The following PAK5 variants were observed in gnomAD, a reference collection of about 807,000 sequenced individuals.
PAK5 encodes the protein p21 (RAC1) activated kinase 5.
In PAK5, 16 loss-of-function variants were observed where a neutral mutation model predicts 65.9. The observed-to-expected ratio is 0.24, with a 90% CI of 0.16 to 0.37. The LOEUF (loss-of-function observed/expected upper bound fraction) is 0.37. PAK5 is among the 10% of genes least tolerant of loss of function. The pLI, the probability that PAK5 is intolerant of heterozygous loss-of-function variation, is 1.00. For synonymous variants in PAK5, 371 were observed against 354.9 expected, an observed-to-expected ratio of 1.05 and a Z score of -0.51; for missense variants, 785 against 903.9, an observed-to-expected ratio of 0.87 and a Z score of 1.69.
At chr20:9,708,960 A>T (rs777651138) in intron 2 of PAK5, among the ~76,000 whole-genome samples, 1 of 151,968 alleles carries the variant, frequency 6.6e-6, no homozygotes, top group Non-Finnish European at 1.5e-5. Context: ...ACTACCCTAC[A>T]AACGTATGCT....
rs371113775 is a variant in PAK5, at chr20:9,562,886, C to G, written c.1616+5G>C. 5.6e-6 allele frequency: 9 copies of G among 1,611,370 alleles called. No individual in the cohort carries two copies. Among genetic ancestry groups the G allele is most frequent in the African/African-American group, 2.7e-5 (2 of 74,534 alleles). ...TCGAATTCTCTGGATAATAAAGAAG[C>G]CTACCTGGTGTGAGTCACAATGTCT... On this transcript the variant is annotated splice_donor_5th_base_variant and intron_variant, in intron 6 of 9. Coordinates refer to ENST00000353224, the MANE Select transcript of PAK5 (RefSeq NM_177990.4).
chr20:9,567,469 T>C (rs1321368937), intron 4 of PAK5, among the ~76,000 whole-genome samples: 1 of 152,164 alleles, frequency 6.6e-6, no homozygotes, highest in Non-Finnish European at 1.5e-5. Flanking sequence ...AAATTAAAAA[T>C]TCAGTTTCTC....
At chr20:9,822,575 A>G (rs1427101762) in intron 1 of PAK5, among the ~76,000 whole-genome samples, 1 of 152,204 alleles carries the variant, frequency 6.6e-6, no homozygotes, top group Non-Finnish European at 1.5e-5. Flanking sequence ...TGTCTACACT[A>G]ATAAATTGCC....
intron 4 of PAK5, among the ~76,000 whole-genome samples, chr20:9,579,213 G>A (rs2045937436): frequency 6.6e-6 from 1 of 152,188 alleles, no homozygotes; most frequent in Non-Finnish European, 1.5e-5. Flanking sequence ...CCTGTGAGAA[G>A]TCATGTCCCT....
intron 1 of PAK5, among the ~76,000 whole-genome samples, chr20:9,828,115 G>A (rs1569104332): frequency 6.6e-6 from 1 of 152,144 alleles, no homozygotes; most frequent in Non-Finnish European, 1.5e-5. Context: ...GATTACAGGC[G>A]TGAGCCACCG....
At chr20:9,594,996 C>A (rs1449143480) in intron 3 of PAK5, among the ~76,000 whole-genome samples, 2 of 151,788 alleles carry the variant, frequency 1.3e-5, no homozygotes, top group Non-Finnish European at 2.9e-5. Context: ...TATATAAACA[C>A]ATATACACAT....
intron 2 of PAK5, among the ~76,000 whole-genome samples, chr20:9,688,357 T>C (rs1159719555): frequency 3.3e-5 from 5 of 151,980 alleles, no homozygotes; most frequent in South Asian, 2.1e-4. Flanking sequence ...AGAGAATCTC[T>C]TTAAACTCGA....
intron 7 of PAK5, among the ~76,000 whole-genome samples, chr20:9,554,648 A>C (rs751326201): frequency 6.6e-6 from 1 of 152,220 alleles, no homozygotes; most frequent in East Asian, 1.9e-4. Context: ...AATGTTGTAC[A>C]CTAATAGACT....
At chr20:9,768,101 ATTT>A (rs1360563671) in intron 1 of PAK5, among the ~76,000 whole-genome samples, 1 of 152,040 alleles carries the variant, frequency 6.6e-6, no homozygotes, top group African/African-American at 2.4e-5. Context: ...GACAACTTTT[ATTT>A]TTTTAATTTT....
At chr20:9,603,968 T>C (rs1446313669) in intron 3 of PAK5, among the ~76,000 whole-genome samples, 2 of 152,226 alleles carry the variant, frequency 1.3e-5, no homozygotes, top group Admixed American at 6.5e-5. Flanking sequence ...GCTTTACATA[T>C]ATTTTCAAAT....
chr20:9,712,716 G>A (rs1370914777), intron 1 of PAK5, among the ~76,000 whole-genome samples: 2 of 152,058 alleles, frequency 1.3e-5, no homozygotes, highest in African/African-American at 2.4e-5. Flanking sequence ...ATAAATCCAC[G>A]CACTTACAGG....
At chr20:9,687,315 C>A (rs188712987) in intron 2 of PAK5, among the ~76,000 whole-genome samples, 8 of 152,304 alleles carry the variant, frequency 5.3e-5, no homozygotes, top group Admixed American at 3.9e-4. Flanking sequence ...TTTTAGGAAG[C>A]TTGAGTCACA....
chr20:9,785,810 A>G (rs2048986676), intron 1 of PAK5, among the ~76,000 whole-genome samples: 1 of 152,190 alleles, frequency 6.6e-6, no homozygotes, highest in Admixed American at 6.6e-5. Context: ...CAAAACAAAC[A>G]AATAATTGTT....
chr20:9,783,115 T>C (rs2048959428), intron 1 of PAK5, among the ~76,000 whole-genome samples: 1 of 151,960 alleles, frequency 6.6e-6, no homozygotes, highest in South Asian at 2.1e-4. Flanking sequence ...TTTGTATTTT[T>C]AGTAGAGATG....
chr20:9,756,502 A>G (rs994419787), intron 1 of PAK5, among the ~76,000 whole-genome samples: 1 of 152,166 alleles, frequency 6.6e-6, no homozygotes, highest in Non-Finnish European at 1.5e-5. Flanking sequence ...GCAGCTGCTG[A>G]GCACTTGAAA....
chr20:9,709,737 C>A (rs1293173583), intron 2 of PAK5, among the ~76,000 whole-genome samples: 1 of 152,186 alleles, frequency 6.6e-6, no homozygotes, highest in Non-Finnish European at 1.5e-5. Flanking sequence ...AAGCAAGCTG[C>A]ACTTTGCTGA....
intron 6 of PAK5, among the ~76,000 whole-genome samples, chr20:9,559,633 G>A (rs183826273): frequency 3.1e-4 from 47 of 152,188 alleles, no homozygotes; most frequent in Admixed American, 2.6e-3. Context: ...CATGGTGGCC[G>A]GCGCTCGTAA....
chr20:9,548,163 G>C (rs1187903675), intron 7 of PAK5, among the ~76,000 whole-genome samples: 2 of 152,020 alleles, frequency 1.3e-5, no homozygotes, highest in Non-Finnish European at 2.9e-5. Flanking sequence ...CTAGGGACCA[G>C]GGCTGTTCCT....
At chr20:9,749,142 A>G (rs946549218) in intron 1 of PAK5, among the ~76,000 whole-genome samples, 1 of 152,116 alleles carries the variant, frequency 6.6e-6, no homozygotes, top group African/African-American at 2.4e-5. Context: ...GCACAAAAAA[A>G]CTCAGTATCT....
Sources: allele counts gnomAD v4.1 joint callset (sites outside exome capture counted in the v4.1 genomes callset), GRCh38; gene constraint gnomAD v4.1.1; transcripts MANE v1.5; gene names NCBI Gene and HGNC (gene_info 2026-07-23, HGNC 2026-07-21).